The following NCOA3 variants were observed in gnomAD, a reference collection of about 807,000 sequenced individuals.
NCOA3 encodes the protein CBP-interacting protein.
Under a neutral mutation model 158.8 loss-of-function variants are expected in NCOA3, and 51 were observed. The ratio of observed to expected loss-of-function variants is 0.32; its 90% confidence interval spans 0.26 to 0.41. The LOEUF is 0.41. Among genes scored for constraint, NCOA3 ranks in the 10% least tolerant of loss-of-function variants. NCOA3 has a pLI of 1.00. For synonymous variants in NCOA3, 537 were observed against 592.4 expected (o/e 0.91, Z 1.36); for missense variants, 1,510 against 1,746.6 (o/e 0.86, Z 2.41).
At chr20:47,597,893 T>C (rs2085788472) in intron 2 of NCOA3, among the ~76,000 whole-genome samples, 1 of 152,116 alleles carries the variant, frequency 6.6e-6, no homozygotes, top group Admixed American at 6.6e-5. Flanking sequence ...CGTTAACATA[T>C]TAATCATAGT....
intron 1 of NCOA3, among the ~76,000 whole-genome samples, chr20:47,530,461 C>CTTTTT (rs11483053): frequency 1.5e-5 from 2 of 129,406 alleles, no homozygotes; most frequent in Non-Finnish European, 3.2e-5. Flanking sequence ...AATGATTTAA[C>CTTTTT]TTTTTTTTTT....
chr20:47,572,082 C>A (rs923906055), intron 1 of NCOA3, among the ~76,000 whole-genome samples: 1 of 152,254 alleles, frequency 6.6e-6, no homozygotes, highest in East Asian at 1.9e-4. Context: ...ATGAAGCAAC[C>A]TCTTCTAACT....
chr20:47,510,260 G>A (rs1275396225), intron 1 of NCOA3, among the ~76,000 whole-genome samples: 2 of 151,570 alleles, frequency 1.3e-5, no homozygotes, highest in Admixed American at 6.6e-5. Context: ...GTGAAACTCC[G>A]TCTCTACTAA....
In NCOA3 at chr20:47,647,221, C is replaced by T. The variant is rs1390046428; in HGVS notation, c.3401C>T (p.Ser1134Phe). The T allele has an allele frequency of 3.1e-6, 5 of 1,614,206 alleles. No homozygotes were observed. Among genetic ancestry groups the T allele is most frequent in the Middle Eastern group, 3.3e-4 (2 of 6,062 alleles). The change falls in exon 18 of 23, where the codon TCT (serine) becomes TTT (phenylalanine). Residue 1134 changes from serine to phenylalanine, a missense_variant. Physicochemically the swap from Ser to Phe is radical, Grantham distance 155. Coordinates refer to ENST00000371998, the MANE Select transcript of NCOA3 (RefSeq NM_181659.3). ...TTTCATCTTCAGGGACAATCACCAT[C>T]TTTTAACTCTATGATGAATCAGATG... ...GGFHLQGQSP[S>F]FNSMMNQMNQ...
At chr20:47,608,662 G>A (rs528159255) in intron 2 of NCOA3, among the ~76,000 whole-genome samples, 3 of 148,130 alleles carry the variant, frequency 2.0e-5, no homozygotes, top group Admixed American at 1.3e-4. Flanking sequence ...AAAAAAAAAG[G>A]TGAATGTTTC....
At chr20:47,529,770 C>T (rs371962438) in intron 1 of NCOA3, among the ~76,000 whole-genome samples, 18 of 152,302 alleles carry the variant, frequency 1.2e-4, no homozygotes, top group African/African-American at 4.1e-4. Context: ...ACAATTCTTT[C>T]CTGTCTGAAT....
intron 1 of NCOA3, among the ~76,000 whole-genome samples, chr20:47,557,683 A>G (rs1189868109): frequency 6.6e-6 from 1 of 152,212 alleles, no homozygotes; most frequent in African/African-American, 2.4e-5. Context: ...CCCAAACAAT[A>G]TAGATAATTC....
At chr20:47,536,501 A>G (rs1272202863) in intron 1 of NCOA3, among the ~76,000 whole-genome samples, 5 of 152,252 alleles carry the variant, frequency 3.3e-5, no homozygotes, top group Non-Finnish European at 7.3e-5. Context: ...GGTGCAGACA[A>G]TATATCCTAT....
chr20:47,525,798 G>T (rs2146093835), intron 1 of NCOA3, among the ~76,000 whole-genome samples: 1 of 119,036 alleles, frequency 8.4e-6, no homozygotes. Context: ...CGGGGCGGCT[G>T]GCCGGGCAGA....
chr20:47,576,266 T>C (rs374238461), intron 1 of NCOA3, among the ~76,000 whole-genome samples: 17 of 152,178 alleles, frequency 1.1e-4, no homozygotes, highest in African/African-American at 4.1e-4. Flanking sequence ...AATTGGGGTA[T>C]AGGCAAATCC....
At chr20:47,620,648 A>G (rs1199323429) in intron 2 of NCOA3, among the ~76,000 whole-genome samples, 41 of 152,186 alleles carry the variant, frequency 2.7e-4, no homozygotes, top group Admixed American at 2.6e-3. Context: ...CCATCTGAGG[A>G]TAATTTGCAT....
chr20:47,510,425 T>C (rs1246263598), intron 1 of NCOA3, among the ~76,000 whole-genome samples: 1 of 2,600 alleles, frequency 3.8e-4, no homozygotes, highest in East Asian at 0.013. Flanking sequence ...AGAGCAAGAC[T>C]CCATCTCAAA....
At chr20:47,649,876 G>C (rs549969546) in intron 19 of NCOA3, among the ~76,000 whole-genome samples, 12 of 152,050 alleles carry the variant, frequency 7.9e-5, no homozygotes, top group African/African-American at 2.9e-4. Context: ...CAGCTTCCTT[G>C]TTGTACTTCA....
In NCOA3 at chr20:47,656,651, T is replaced by TA. The variant is rs1438898312; in HGVS notation, c.*3238dup. On this transcript the variant is annotated 3_prime_UTR_variant, in exon 23 of 23. Coordinates refer to ENST00000371998, the MANE Select transcript of NCOA3 (RefSeq NM_181659.3). ...TTCTAATATATGGAGTTTCGAAGAA[T>TA]AAAATATGAGAGCAATATTTAAATT... 6.6e-6 allele frequency: 1 copy of TA among 152,616 alleles called. No homozygotes were observed. Among genetic ancestry groups the TA allele is most frequent in the Non-Finnish European group, 1.5e-5 (1 of 68,034 alleles). The allele number at this position is 152,616 out of a possible 1,614,324, so 9.5% of individuals were successfully genotyped here. A position where few individuals can be genotyped will look rare whatever the true frequency, so the allele number is the denominator to read the frequency against.
chr20:47,621,019 A>T (rs553489843), intron 2 of NCOA3, among the ~76,000 whole-genome samples: 1 of 152,226 alleles, frequency 6.6e-6, no homozygotes, highest in Non-Finnish European at 1.5e-5. Flanking sequence ...GCCACTACTA[A>T]TAAAGGTTAT....
intron 2 of NCOA3, among the ~76,000 whole-genome samples, chr20:47,604,510 A>G (rs991356366): frequency 1.4e-4 from 22 of 152,362 alleles, no homozygotes; most frequent in Middle Eastern, 3.4e-3. Flanking sequence ...TGATGATACT[A>G]TCTTTTCAAA....
intron 1 of NCOA3, among the ~76,000 whole-genome samples, chr20:47,556,603 A>T (rs971624657): frequency 6.6e-6 from 1 of 150,584 alleles, no homozygotes. Context: ...GCTCACTGCA[A>T]CCTCCGCCTC....
chr20:47,631,686 C>T (rs941889644), intron 8 of NCOA3, among the ~76,000 whole-genome samples: 1 of 152,196 alleles, frequency 6.6e-6, no homozygotes, highest in African/African-American at 2.4e-5. Flanking sequence ...ATTGTCCCTG[C>T]TGGCTTACTT....
At chr20:47,511,513 A>ATC (rs1227647792) in intron 1 of NCOA3, among the ~76,000 whole-genome samples, 80 of 98,800 alleles carry the variant, frequency 8.1e-4, no homozygotes, top group East Asian at 5.1e-3. Context: ...TGAGATATGT[A>ATC]TCTCTCTCGA....
Sources: allele counts gnomAD v4.1 joint callset (sites outside exome capture counted in the v4.1 genomes callset), GRCh38; gene constraint gnomAD v4.1.1; transcripts MANE v1.5; gene names NCBI Gene and HGNC (gene_info 2026-07-23, HGNC 2026-07-21).